RANBP1: variants seen among roughly 807,000 people sequenced by gnomAD.
The protein encoded by RANBP1 is ran-specific GTPase-activating protein.
In RANBP1, 16 loss-of-function variants were observed where a neutral mutation model predicts 31.4. That is an observed-to-expected ratio of 0.51 (90% confidence interval 0.34 to 0.77). The LOEUF is 0.77. Among genes scored for constraint, RANBP1 ranks in the 30% least tolerant of loss-of-function variants. The probability of loss-of-function intolerance (pLI) is 0.01; values close to 1 mark genes in which losing one functional copy is unlikely to be tolerated. For synonymous variants in RANBP1, 129 were observed against 140.5 expected (o/e 0.92, Z 0.58); for missense variants, 265 against 362.0 (o/e 0.73, Z 2.17).
At chr22:20,121,581 C>G (rs2050172810) in intron 2 of RANBP1, among the ~76,000 whole-genome samples, 1 of 151,692 alleles carries the variant, frequency 6.6e-6, no homozygotes, top group Admixed American at 6.6e-5. Context: ...GGGTCTCACT[C>G]TCACCCAGGC....
intron 1 of RANBP1, chr22:20,118,271 G>C: frequency 8.0e-6 from 8 of 1,002,514 alleles, no homozygotes; most frequent in Non-Finnish European, 9.6e-6. Flanking sequence ...TTTGAGTCTA[G>C]TGGTGAAGTC....
At chr22:20,116,947 G>T in intron 1 of RANBP1, 7 of 1,572,984 alleles carry the variant, frequency 4.5e-6, no homozygotes, top group Non-Finnish European at 6.0e-6. Flanking sequence ...ACGCCATGGG[G>T]GCCGCCTGGC....
chr22:20,117,184 T>C, intron 1 of RANBP1: 1 of 548,100 alleles, frequency 1.8e-6, no homozygotes, highest in Non-Finnish European at 3.0e-6. Context: ...CGCCAGCCAC[T>C]CTTAGTCCGC....
intron 4 of RANBP1, 62 bp downstream of exon 4, chr22:20,125,498 G>T: frequency 6.4e-7 from 1 of 1,554,406 alleles, no homozygotes. Flanking sequence ...AGCGTGGCGG[G>T]TTATGTGCAA....
chr22:20,116,397 C>A lies in RANBP1; in HGVS notation c.213C>A (p.Gly71=). 1 of 1,611,818 alleles carries A rather than the reference C, an allele frequency of 6.2e-7. No homozygotes were observed. Among genetic ancestry groups the A allele is most frequent in the Non-Finnish European group, 8.5e-7 (1 of 1,179,006 alleles). ...RRTSLKLAWR[G]TFCSSSLKIS... ...CGTCGCTGAAGCTGGCGTGGCGAGG[C>A]ACGTTCTGCAGCTCCAGTTTAAAGA... is the stretch of plus-strand genomic sequence containing the variant. The change falls in exon 1 of 6, where the codon GGC becomes GGA. Residue 71 remains glycine (G), a synonymous_variant. Transcript: ENST00000430524.
chr22:20,122,334 G>A lies in RANBP1; in HGVS notation c.454G>A (p.Val152Ile), dbSNP rs144901362. The change falls in exon 3 of 6, where the codon GTC becomes ATC. Residue 152 changes from valine (V) to isoleucine (I), a missense_variant. Coordinates refer to ENST00000430524, the MANE Select transcript of RANBP1 (RefSeq NM_001278639.2). The stretch of plus-strand genomic sequence containing the variant: ...ATGGAAGGAGCGAGGCACTGGTGAC[G>A]TCAAGCTCCTGAAGCACAAGGAGAA... Reference protein sequence around the residue: ...PEWKERGTGDVKLLKHKEKGA... With the variant: ...PEWKERGTGDIKLLKHKEKGA... 56 of 1,613,072 alleles carry A rather than the reference G, an allele frequency of 3.5e-5. 1 individual carries two copies. The South Asian group carries it at 4.2e-4, about 12-fold the overall frequency.
At chr22:20,117,624 C>A in intron 1 of RANBP1, 18 of 1,249,978 alleles carry the variant, frequency 1.4e-5, no homozygotes, top group Non-Finnish European at 1.8e-5. Context: ...CCGACCCAGC[C>A]GAGCCGCCGC....
Position 20,125,395 on chromosome 22 carries a change from C to T in RANBP1, c.629C>T (p.Pro210Leu). The change falls in exon 4 of 6, where the codon CCC becomes CTC. Residue 210 changes from proline (P) to leucine (L), a missense_variant. Around this residue, in one of 3 missense-constraint regions of RANBP1, gnomAD observed 90 missense variants for 190.5 expected, o/e 0.47. Coordinates refer to ENST00000430524, the MANE Select transcript of RANBP1 (RefSeq NM_001278639.2). ...CACGCTGACTTCGCCGACGAGTGCC[C>T]CAAGCCAGAGCTGCTGGCCATCCGC... ...NTHADFADEC[P>L]KPELLAIRFL... 6.2e-7 allele frequency: 1 copy of T among 1,611,024 alleles called. No individual in the cohort carries two copies. The highest frequency in any genetic ancestry group is 8.5e-7 in the Non-Finnish European group (1 of 1,179,340).
Position 20,118,323 on chromosome 22 carries a change from C to G in RANBP1, c.247-690C>G. The G allele has an allele frequency of 7.0e-6, 7 of 1,002,386 alleles. No homozygotes were observed. In the Middle Eastern group the frequency reaches 1.4e-3, roughly 202 times the overall value. The allele number at this position is 1,002,386 out of a possible 1,614,324, so 62.1% of individuals were successfully genotyped here. A position where few individuals can be genotyped will look rare whatever the true frequency, so the allele number is the denominator to read the frequency against. The stretch of plus-strand genomic sequence containing the variant: ...CTTCTGGGTGACCAAGGCATGTGTT[C>G]TGGAAGACTCGAACCTAAAATATGA... On this transcript the variant is annotated intron_variant, in intron 1 of 5. Coordinates refer to ENST00000430524, the MANE Select transcript of RANBP1 (RefSeq NM_001278639.2).
At chr22:20,117,114 G>C in intron 1 of RANBP1, 1 of 679,686 alleles carries the variant, frequency 1.5e-6, no homozygotes, top group Non-Finnish European at 2.4e-6. Context: ...GCTCAGGTCC[G>C]GGTCTCAGGC....
At chr22:20,117,556 C>A in intron 1 of RANBP1, 1 of 1,410,232 alleles carries the variant, frequency 7.1e-7, no homozygotes, top group Non-Finnish European at 9.2e-7. Flanking sequence ...GCGCCGGCGC[C>A]AGACGCGGAG....
chr22:20,122,036 C>T (rs551790778), intron 2 of RANBP1, among the ~76,000 whole-genome samples: 2 of 152,288 alleles, frequency 1.3e-5, no homozygotes, highest in Admixed American at 6.5e-5. Context: ...CGCGCCCGGT[C>T]GTCTAATTCT....
chr22:20,120,442 G>A (rs1317976041), intron 2 of RANBP1, among the ~76,000 whole-genome samples: 1 of 152,182 alleles, frequency 6.6e-6, no homozygotes, highest in African/African-American at 2.4e-5. Flanking sequence ...CTTCCTGAGG[G>A]AGGTGAGGCC....
chr22:20,125,161 C>G, intron 3 of RANBP1, 147 bp from the exon 4 acceptor site: 1 of 845,664 alleles, frequency 1.2e-6, no homozygotes, highest in Non-Finnish European at 1.9e-6. Flanking sequence ...GGTACTTTGT[C>G]TAAGCCTGGT....
chr22:20,126,438 G>C (rs1192850176), intron 5 of RANBP1, 70 bp downstream of exon 5: 4 of 1,611,240 alleles, frequency 2.5e-6, no homozygotes, highest in Non-Finnish European at 3.4e-6. Context: ...CTTCCAGGCG[G>C]GTGCTTTTTC....
intron 4 of RANBP1, 196 bp downstream of exon 4, chr22:20,125,632 A>C: frequency 6.8e-7 from 1 of 1,471,448 alleles, no homozygotes; most frequent in Non-Finnish European, 9.0e-7. Flanking sequence ...TCCCCCTTAA[A>C]CTCAAAGCTG....
chr22:20,117,169 C>T (rs1210004024), intron 1 of RANBP1: 1 of 556,894 alleles, frequency 1.8e-6, no homozygotes, highest in South Asian at 2.8e-5. Flanking sequence ...GCCGGCCGCT[C>T]GCTTCGCCAG....
At chr22:20,121,969 C>T (rs561180463) in intron 2 of RANBP1, among the ~76,000 whole-genome samples, 3 of 151,586 alleles carry the variant, frequency 2.0e-5, no homozygotes, top group South Asian at 2.1e-4. Context: ...GAACTCCTAA[C>T]CTCAGATGAC....
In RANBP1 at chr22:20,119,362, G is replaced by A. The variant is rs568073448; in HGVS notation, c.383+213G>A. The A allele has an allele frequency of 1.0e-3, 576 of 560,712 alleles. 1 individual carries two copies. Among genetic ancestry groups the A allele is most frequent in the Non-Finnish European group, 1.5e-3 (481 of 315,926 alleles). The allele number at this position is 560,712 out of a possible 1,614,324, so 34.7% of individuals were successfully genotyped here. On this transcript the variant is annotated intron_variant, in intron 2 of 5. Coordinates refer to ENST00000430524, the MANE Select transcript of RANBP1 (RefSeq NM_001278639.2). The stretch of plus-strand genomic sequence containing the variant: ...TGCCCTGCAGCCAGTTGCATGAAGG[G>A]CATCCCATCTTGCTGCTCTGTCCAC...
Sources: allele counts gnomAD v4.1 joint callset (sites outside exome capture counted in the v4.1 genomes callset), GRCh38; gene constraint gnomAD v4.1.1; regional missense constraint gnomAD v4.1.1; transcripts MANE v1.5; gene names NCBI Gene and HGNC (gene_info 2026-07-23, HGNC 2026-07-21).